The following XAGE3 variants were observed in gnomAD, a reference collection of about 807,000 sequenced individuals.
The protein encoded by XAGE3 is X antigen family member 3.
A neutral mutation model predicts 9.2 loss-of-function variants in XAGE3; 6 were observed. The ratio of observed to expected loss-of-function variants is 0.65; its 90% CI spans 0.36 to 1.29. The LOEUF (loss-of-function observed/expected upper bound fraction) is 1.29. Among genes scored for constraint, XAGE3 ranks in the 50% most tolerant of loss-of-function variants. XAGE3 has a pLI of 0.03. For missense variants in XAGE3, 70 were observed against 82.8 expected, an observed-to-expected ratio of 0.85 and a Z score of 0.60; for synonymous variants, 26 against 28.2, an observed-to-expected ratio of 0.92 and a Z score of 0.25.
At position 52,867,209 on chromosome X, in the gene XAGE3, A is replaced by G. The variant is rs1927913330; in HGVS notation, c.-8-68T>C. 5.5e-6 allele frequency: 5 copies of G among 908,597 alleles called. No individual in the cohort carries two copies. The Admixed American group carries it at 1.1e-4, about 21-fold the overall frequency. 74.9% of individuals were successfully genotyped at this position (908,597 alleles called of 1,213,427 possible). ...ACAGCTATATTTGACCACTTCCATG[A>G]CCAAATATTAACTTGTCATTTTTTA... is the stretch of plus-strand genomic sequence containing the variant. On this transcript the variant is annotated intron_variant, in intron 1 of 4. Coordinates refer to ENST00000346279, the MANE Select transcript of XAGE3 (RefSeq NM_133179.3).
intron 3 of XAGE3, among the ~76,000 whole-genome samples, chrX:52,866,219 A>G (rs1927879688): frequency 8.9e-6 from 1 of 112,197 alleles, no homozygotes; most frequent in Non-Finnish European, 1.9e-5. Flanking sequence ...TGTATTTTCA[A>G]GCATACGAAA....
chrX:52,866,471 T>G lies in XAGE3; in HGVS notation c.149A>C (p.Gln50Pro), dbSNP rs782129362. Reference protein sequence around the residue: ...PTESRDPAPGQEREEDQGAAE... With the variant: ...PTESRDPAPGPEREEDQGAAE... ...TGCACCCTGATCTTCTTCTCTCTCCTGACCAGGTGCAGGATCCCGACTTTC... is the reference window on the plus strand; with the variant it reads ...TGCACCCTGATCTTCTTCTCTCTCCGGACCAGGTGCAGGATCCCGACTTTC... Residue 50 changes from glutamine (Q) to proline (P), a missense_variant, in exon 3 of 5, where the codon CAG becomes CCG. By Grantham distance (76) the Gln-to-Pro change is moderately conservative. Transcript: ENST00000346279. 1 of 1,211,348 alleles carries G rather than the reference T, an allele frequency of 8.3e-7. No homozygotes were observed. Among genetic ancestry groups the G allele is most frequent in the Non-Finnish European group, 1.1e-6 (1 of 895,340 alleles).
chrX:52,866,596 C>T (rs148208560), intron 2 of XAGE3, 58 bp from the exon 3 acceptor site: 38,490 of 965,114 alleles, frequency 0.04, 639 homozygotes, highest in Non-Finnish European at 0.05. Context: ...GTTTTGTTAT[C>T]GATACATTTC....
At chrX:52,867,537 T>C (rs782636929) in intron 1 of XAGE3, among the ~76,000 whole-genome samples, 34 of 110,978 alleles carry the variant, frequency 3.1e-4, no homozygotes, top group Non-Finnish European at 7.5e-5. Context: ...CCCCGCCCAT[T>C]CAAACCTCCA....
At chrX:52,866,724 T>C (rs1222904642) in intron 2 of XAGE3, among the ~76,000 whole-genome samples, 186 bp from the exon 3 acceptor site, 1 of 112,684 alleles carries the variant, frequency 8.9e-6, no homozygotes, top group Non-Finnish European at 1.9e-5. Flanking sequence ...GAGAGGTTAC[T>C]CTAAGACAGT....
intron 4 of XAGE3, among the ~76,000 whole-genome samples, chrX:52,864,236 C>T (rs1341768079): frequency 3.6e-5 from 4 of 112,147 alleles, no homozygotes; most frequent in African/African-American, 1.3e-4. Context: ...ATAACTGGAG[C>T]GAAACTGATT....
intron 1 of XAGE3, among the ~76,000 whole-genome samples, chrX:52,867,497 C>T (rs1327274516): frequency 2.7e-5 from 3 of 111,391 alleles, no homozygotes; most frequent in South Asian, 3.8e-4. Context: ...CCATTTCCCC[C>T]CTAAAATCAA....
intron 3 of XAGE3, among the ~76,000 whole-genome samples, chrX:52,865,882 T>C (rs781895033): frequency 9.7e-4 from 109 of 112,211 alleles, no homozygotes; most frequent in African/African-American, 3.5e-3. Flanking sequence ...CGTTTTCTAA[T>C]GTGAATGGTA....
At position 52,867,157 on chromosome X, in the gene XAGE3, T is replaced by C; in HGVS notation, c.-8-16A>G. On this transcript the variant is annotated splice_polypyrimidine_tract_variant and intron_variant, in intron 1 of 4. Coordinates refer to ENST00000346279, the MANE Select transcript of XAGE3 (RefSeq NM_133179.3). ...ATATTTCACACTGCAAACAGAATACTGTGAATTGGTAAATGCACTTGAAAA... is the reference window on the plus strand; with the variant it reads ...ATATTTCACACTGCAAACAGAATACCGTGAATTGGTAAATGCACTTGAAAA... The C allele has an allele frequency of 1.7e-6, 2 of 1,166,775 alleles. No homozygotes were observed. The highest frequency in any genetic ancestry group is 2.3e-6 in the Non-Finnish European group (2 of 860,854).
chrX:52,867,095 C>T lies in XAGE3; in HGVS notation c.39G>A (p.Pro13=), dbSNP rs1927910168. The stretch of plus-strand genomic sequence containing the variant: ...GCTCAGGAGGTGGTACACTTCTCCT[C>T]GGCCTAGGCCTATATGTTGATCTTC... ...WRGRSTYRPR[P]RRSVPPPELI... The change falls in exon 2 of 5, where the codon CCG becomes CCA. Residue 13 remains proline, a synonymous_variant. Transcript: ENST00000346279. The T allele has an allele frequency of 1.7e-6, 2 of 1,210,663 alleles. No homozygotes were observed. The highest frequency in any genetic ancestry group is 2.2e-6 in the Non-Finnish European group (2 of 894,856).
In XAGE3 at chrX:52,862,612, C is replaced by T. The variant is rs782299153; in HGVS notation, c.*6G>A. 6 of 1,210,596 alleles carry T rather than the reference C, an allele frequency of 5.0e-6. No individual in the cohort carries two copies. The Admixed American group carries it at 1.3e-4, about 26-fold the overall frequency. On this transcript the variant is annotated 3_prime_UTR_variant, in exon 5 of 5. Transcript: ENST00000346279. Reference sequence around the variant, plus strand: ...ACAGTTTTGTGTTGTTTCAGCTTGTCTTCATTTAAACCTGTGGTTGCCTGT... The same window carrying T: ...ACAGTTTTGTGTTGTTTCAGCTTGTTTTCATTTAAACCTGTGGTTGCCTGT...
Position 52,866,652 on chromosome X carries a change from C to T in XAGE3, c.82-114G>A, listed in dbSNP as rs782106302. On this transcript the variant is annotated intron_variant, in intron 2 of 4. Coordinates refer to ENST00000346279, the MANE Select transcript of XAGE3 (RefSeq NM_133179.3). ...TACATAGATATTTCTGATCATAAGT[C>T]TAAAGACATTTCTCCAACACGATTC... 47 of 626,938 alleles carry T rather than the reference C, an allele frequency of 7.5e-5. No individual in the cohort carries two copies. In the African/African-American group the frequency reaches 8.7e-4, roughly 12 times the overall value. The allele number at this position is 626,938 out of a possible 1,213,427, so 51.7% of individuals were successfully genotyped here. A position where few individuals can be genotyped will look rare whatever the true frequency, so the allele number is the denominator to read the frequency against.
At position 52,864,627 on chromosome X, in the gene XAGE3, T is replaced by G. The variant is rs782758309; in HGVS notation, c.313+148A>C. On this transcript the variant is annotated intron_variant, in intron 4 of 4. Coordinates refer to ENST00000346279, the MANE Select transcript of XAGE3 (RefSeq NM_133179.3). ...GTGTCTGTAGCTGATAGTGTTTAAG[T>G]CTTACAGTCAGGCAATTGGGGTCTG... 10 of 678,674 alleles carry G rather than the reference T, an allele frequency of 1.5e-5. No individual in the cohort carries two copies. In the South Asian group the frequency reaches 2.8e-4, roughly 19 times the overall value. 55.9% of individuals were successfully genotyped at this position (678,674 alleles called of 1,213,427 possible). A position where few individuals can be genotyped will look rare whatever the true frequency, so the allele number is the denominator to read the frequency against.
Position 52,867,042 on chromosome X carries a change from A to G in XAGE3, c.81+11T>C, listed in dbSNP as rs1196404654. On this transcript the variant is annotated intron_variant, in intron 2 of 4. Transcript: ENST00000346279. ...CTGCTAATAGAAAACATCAAAGGTTAAGGCACTCACCAGCATAGGCCCAAT... is the reference window on the plus strand; with the variant it reads ...CTGCTAATAGAAAACATCAAAGGTTGAGGCACTCACCAGCATAGGCCCAAT... 8.3e-7 allele frequency: 1 copy of G among 1,206,453 alleles called. No individual in the cohort carries two copies. Among genetic ancestry groups the G allele is most frequent in the African/African-American group, 1.7e-5 (1 of 57,584 alleles).
chrX:52,866,513 T>C lies in XAGE3; in HGVS notation c.107A>G (p.Gln36Arg), dbSNP rs782306121. 1.3e-5 allele frequency: 16 copies of C among 1,211,194 alleles called. No individual in the cohort carries two copies. In the South Asian group the frequency reaches 2.1e-4, roughly 16 times the overall value. Residue 36 changes from glutamine (Q) to arginine (R), a missense_variant, in exon 3 of 5, where the codon CAA (glutamine) becomes CGA (arginine). Gln to Arg is a conservative substitution (Grantham distance 43, BLOSUM62 1). Coordinates refer to ENST00000346279, the MANE Select transcript of XAGE3 (RefSeq NM_133179.3). Reference protein sequence around the residue: ...MLEPGDEEPQQEEPPTESRDP... With the variant: ...MLEPGDEEPQREEPPTESRDP... ...CCGACTTTCAGTTGGTGGTTCCTCT[T>C]GCTGAGGCTCCTCATCACCGGGCTC...
At chrX:52,863,717 T>C (rs1927816910) in intron 4 of XAGE3, among the ~76,000 whole-genome samples, 1 of 111,996 alleles carries the variant, frequency 8.9e-6, no homozygotes, top group Admixed American at 9.5e-5. Context: ...GCTTTTTCCA[T>C]TTTCTTCAAG....
intron 4 of XAGE3, 147 bp from the exon 5 acceptor site, chrX:52,862,787 T>C: frequency 3.0e-6 from 2 of 668,906 alleles, no homozygotes; most frequent in Non-Finnish European, 4.4e-6. Context: ...AACATTCAGT[T>C]AGACCTCTGT....
intron 3 of XAGE3, among the ~76,000 whole-genome samples, chrX:52,865,186 T>C (rs1310084448): frequency 1.8e-5 from 2 of 111,648 alleles, no homozygotes; most frequent in Non-Finnish European, 3.8e-5. Flanking sequence ...GCCCAATGGA[T>C]AGCATTTTAA....
intron 1 of XAGE3, among the ~76,000 whole-genome samples, chrX:52,867,800 C>T (rs1927930779): frequency 9.0e-6 from 1 of 111,218 alleles, no homozygotes; most frequent in Non-Finnish European, 1.9e-5. Context: ...CCCCTCTCAA[C>T]TACGCGGCCC....
Sources: gnomAD v4.1 joint callset for allele counts (sites outside exome capture counted in the v4.1 genomes callset) on GRCh38, gnomAD v4.1.1 for gene constraint, MANE v1.5 for transcripts, NCBI Gene and HGNC (gene_info 2026-07-23, HGNC 2026-07-21) for gene names.